The following ETV3 variants were observed in gnomAD, a reference collection of about 807,000 sequenced individuals.
ETV3 encodes ETS variant transcription factor 3.
In ETV3, 8 loss-of-function variants were observed where a neutral mutation model predicts 33.0. The observed-to-expected ratio is 0.24, with a 90% CI of 0.14 to 0.44. The LOEUF (loss-of-function observed/expected upper bound fraction) is 0.44. Ranked by LOEUF, ETV3 falls within the 20% of genes least tolerant of loss-of-function variation. ETV3 has a pLI of 1.00. For missense variants in ETV3, 473 were observed against 652.3 expected (o/e 0.73, Z 2.99); for synonymous variants, 222 against 238.9 (o/e 0.93, Z 0.65).
In ETV3 at chr1:157,130,176, C is replaced by T. The variant is rs141111449; in HGVS notation, c.400+3936G>A. Among the ~76,000 whole-genome samples, 127 of 152,156 alleles carry T rather than the reference C, an allele frequency of 8.3e-4. 3 individuals carry two copies. The East Asian group carries it at 0.013, about 16-fold the overall frequency. ...TTTTTTATTAAAAAAGAAAAATAAACTGGAGGATATCTCAGTCTTTACATA... is the reference window on the plus strand; with the variant it reads ...TTTTTTATTAAAAAAGAAAAATAAATTGGAGGATATCTCAGTCTTTACATA... On this transcript the variant is annotated intron_variant, in intron 4 of 4. Transcript: ENST00000368192.
At chr1:157,133,537 AG>A in intron 4 of ETV3, 1 of 986,000 alleles carries the variant, frequency 1.0e-6, no homozygotes, top group Non-Finnish European at 1.2e-6. Flanking sequence ...CAAGAGGGGA[AG>A]CCCTACTGCA....
intron 1 of ETV3, among the ~76,000 whole-genome samples, chr1:157,136,931 A>T (rs553348546): frequency 6.6e-6 from 1 of 152,358 alleles, no homozygotes; most frequent in East Asian, 1.9e-4. Flanking sequence ...CTCCCCCTTG[A>T]AAAATACCCT....
chr1:157,127,021 C>T (rs945299304), intron 4 of ETV3, among the ~76,000 whole-genome samples: 1 of 151,952 alleles, frequency 6.6e-6, no homozygotes, highest in African/African-American at 2.4e-5. Flanking sequence ...GCTGCCCTGG[C>T]TGACTGTGGG....
intron 4 of ETV3, among the ~76,000 whole-genome samples, chr1:157,132,116 C>T (rs1674980934): frequency 6.6e-6 from 1 of 152,198 alleles, no homozygotes; most frequent in Non-Finnish European, 1.5e-5. Flanking sequence ...GTGACTGCCA[C>T]CTGTACTTTT....
intron 4 of ETV3, among the ~76,000 whole-genome samples, chr1:157,130,476 A>G (rs1007619983): frequency 1.3e-5 from 2 of 152,224 alleles, no homozygotes; most frequent in Non-Finnish European, 2.9e-5. Flanking sequence ...AAATTCAAGT[A>G]CTGGGGTTGA....
chr1:157,133,260 CAT>C (rs1341204346), intron 4 of ETV3: 3 of 242,182 alleles, frequency 1.2e-5, no homozygotes, highest in African/African-American at 2.3e-5. Context: ...ATCACAGATA[CAT>C]ATGAGTGGGG....
chr1:157,135,256 A>C, intron 3 of ETV3: 168 of 584,670 alleles, frequency 2.9e-4, no homozygotes, highest in East Asian at 4.6e-4. Flanking sequence ...CCACATTGGA[A>C]TCCCCTCCTA....
intron 4 of ETV3, among the ~76,000 whole-genome samples, chr1:157,127,361 T>C (rs1040939424): frequency 2.0e-5 from 3 of 152,210 alleles, no homozygotes; most frequent in Non-Finnish European, 4.4e-5. Flanking sequence ...TTCAAATATT[T>C]TTCAATCTCT....
At chr1:157,132,211 G>A (rs1212592830) in intron 4 of ETV3, among the ~76,000 whole-genome samples, 1 of 152,236 alleles carries the variant, frequency 6.6e-6, no homozygotes, top group African/African-American at 2.4e-5. Context: ...GCCTCCCAAA[G>A]TGTTGGGATT....
rs1259102986 is a variant in ETV3 at position 157,125,595 on chromosome 1, G to C, written c.785C>G (p.Pro262Arg). 1.9e-6 allele frequency: 3 copies of C among 1,551,782 alleles called. No individual in the cohort carries two copies. The highest frequency in any genetic ancestry group is 1.7e-6 in the Non-Finnish European group (2 of 1,147,002). ...IPGRGGVLNVPISPALSLTPT... is the reference protein window; with the variant it reads ...IPGRGGVLNVRISPALSLTPT... ...AGTCAGGGAGAGGGCTGGTGAAATG[G>C]GGACATTAAGGACACCTCCGCGGCC... Residue 262 changes from proline (P) to arginine (R), a missense_variant, in exon 5 of 5, where the codon CCC becomes CGC. Around this residue, in one of 3 missense-constraint regions of ETV3, gnomAD observed 410 missense variants for 520.2 expected, o/e 0.79. Coordinates refer to ENST00000368192, the MANE Select transcript of ETV3 (RefSeq NM_001145312.3). The surrounding 1 kb of genome is among the most constrained non-coding windows in gnomAD (Gnocchi z 4.0).
intron 4 of ETV3, among the ~76,000 whole-genome samples, chr1:157,129,025 A>C (rs879270115): frequency 4.6e-5 from 7 of 151,876 alleles, no homozygotes; most frequent in Non-Finnish European, 1.0e-4. Flanking sequence ...AGTTATGTGA[A>C]TATATTTAAA....
chr1:157,133,830 T>A (rs1484215639), intron 4 of ETV3: 5 of 1,185,114 alleles, frequency 4.2e-6, no homozygotes, highest in Non-Finnish European at 5.2e-6. Context: ...CTATGAAACA[T>A]CATTCCCAAA....
In ETV3 at chr1:157,122,138, T is replaced by G. The variant is rs1036881616; in HGVS notation, c.*2703A>C. The G allele has an allele frequency of 6.6e-6, 1 of 152,144 alleles. No homozygotes were observed. Among genetic ancestry groups the G allele is most frequent in the Non-Finnish European group, 1.5e-5 (1 of 68,018 alleles). The allele number at this position is 152,144 out of a possible 1,614,324, so 9.4% of individuals were successfully genotyped here. The stretch of plus-strand genomic sequence containing the variant: ...TAGGTCTGGTTGTTGTCCCCCTTTT[T>G]CCACCTGCTGCTGGACAGTGATGAG... On this transcript the variant is annotated 3_prime_UTR_variant, in exon 5 of 5. Coordinates refer to ENST00000368192, the MANE Select transcript of ETV3 (RefSeq NM_001145312.3).
chr1:157,128,544 G>T (rs1674895809), intron 4 of ETV3: 1 of 260,838 alleles, frequency 3.8e-6, no homozygotes, highest in Non-Finnish European at 7.9e-6. Context: ...TACCTGGGGA[G>T]AGGATACCGA....
rs1051471099 is a variant in ETV3 at position 157,124,109 on chromosome 1, C to T, written c.*732G>A. 2.6e-5 allele frequency: 4 copies of T among 152,104 alleles called. No individual in the cohort carries two copies. The highest frequency in any genetic ancestry group is 9.7e-5 in the African/African-American group (4 of 41,398). 9.4% of individuals were successfully genotyped at this position (152,104 alleles called of 1,614,324 possible). On this transcript the variant is annotated 3_prime_UTR_variant, in exon 5 of 5. Transcript: ENST00000368192. ...CTCACAGCAGGGTTTGCCGTCCCAA[C>T]TATGCAGCTGAGAGGTCGCCAGCTC...
At chr1:157,132,792 T>C (rs944191739) in intron 4 of ETV3, among the ~76,000 whole-genome samples, 1 of 146,362 alleles carries the variant, frequency 6.8e-6, no homozygotes, top group Non-Finnish European at 1.5e-5. Flanking sequence ...CAGGAGGGAG[T>C]GGTTACAGAA....
At chr1:157,133,369 A>G (rs1431511269) in intron 4 of ETV3, 4 of 984,406 alleles carry the variant, frequency 4.1e-6, no homozygotes, top group African/African-American at 3.5e-5. Context: ...CTGCTCAGAT[A>G]AGGGGAACTA....
chr1:157,132,473 A>G (rs912724741), intron 4 of ETV3, among the ~76,000 whole-genome samples: 3 of 152,212 alleles, frequency 2.0e-5, no homozygotes, highest in African/African-American at 7.2e-5. Flanking sequence ...CTGGATTTTC[A>G]ATAGATAAAA....
At chr1:157,128,824 G>A (rs1674903317) in intron 4 of ETV3, among the ~76,000 whole-genome samples, 1 of 152,180 alleles carries the variant, frequency 6.6e-6, no homozygotes, top group African/African-American at 2.4e-5. Context: ...AGACTGACTT[G>A]AGATTAGATG....
Sources: gnomAD v4.1 joint callset for allele counts (sites outside exome capture counted in the v4.1 genomes callset) on GRCh38, gnomAD v4.1.1 for gene constraint, gnomAD v4.1.1 regional missense constraint, Gnocchi (gnomAD v3.1) non-coding constraint, MANE v1.5 for transcripts, NCBI Gene and HGNC (gene_info 2026-07-23, HGNC 2026-07-21) for gene names.